MED27: variants seen among roughly 807,000 people sequenced by gnomAD.
MED27 encodes the protein mediator of RNA polymerase II transcription subunit 27.
Under a neutral mutation model 38.2 loss-of-function variants are expected in MED27, and 30 were observed. That is an observed-to-expected ratio of 0.79 (90% confidence interval 0.59 to 1.07). The LOEUF is 1.07. MED27 is among the 50% of genes least tolerant of loss of function. The probability of loss-of-function intolerance (pLI) is 0.00; values close to 1 mark genes in which losing one functional copy is unlikely to be tolerated. For missense variants in MED27, 289 were observed against 397.5 expected, an observed-to-expected ratio of 0.73 and a Z score of 2.32; for synonymous variants, 122 against 153.5, an observed-to-expected ratio of 0.79 and a Z score of 1.52.
At chr9:131,924,298 C>T (rs1479989970) in intron 4 of MED27, among the ~76,000 whole-genome samples, 1 of 152,042 alleles carries the variant, frequency 6.6e-6, no homozygotes, top group South Asian at 2.1e-4. Flanking sequence ...TACCTCAGTG[C>T]AATTTTAATT....
At chr9:131,950,507 T>C (rs1193629402) in intron 3 of MED27, among the ~76,000 whole-genome samples, 6 of 152,204 alleles carry the variant, frequency 3.9e-5, no homozygotes, top group South Asian at 2.1e-4. Flanking sequence ...TGTAGAACCA[T>C]TATTTCATTT....
intron 2 of MED27, among the ~76,000 whole-genome samples, chr9:132,031,117 T>A (rs966341183): frequency 6.6e-6 from 1 of 152,218 alleles, no homozygotes; most frequent in Admixed American, 6.5e-5. Context: ...ATAAAACAGA[T>A]GGACTGGTTA....
At chr9:131,876,835 A>G (rs1197170592) in intron 6 of MED27, among the ~76,000 whole-genome samples, 6 of 152,206 alleles carry the variant, frequency 3.9e-5, no homozygotes, top group Non-Finnish European at 5.9e-5. Flanking sequence ...TGCTACATGA[A>G]GCGGCCCATT....
At chr9:132,037,756 A>G (rs1268049052) in intron 2 of MED27, among the ~76,000 whole-genome samples, 1 of 152,206 alleles carries the variant, frequency 6.6e-6, no homozygotes, top group African/African-American at 2.4e-5. Context: ...GAAAGTGGGC[A>G]AAACAGTCAG....
intron 1 of MED27, among the ~76,000 whole-genome samples, chr9:132,078,718 A>G (rs1326799246): frequency 6.6e-6 from 1 of 152,216 alleles, no homozygotes. Context: ...AAGGATGACT[A>G]GCTCACCAAA....
At chr9:131,966,865 A>G (rs900277707) in intron 3 of MED27, among the ~76,000 whole-genome samples, 1 of 152,218 alleles carries the variant, frequency 6.6e-6, no homozygotes, top group African/African-American at 2.4e-5. Flanking sequence ...CTCAATGACT[A>G]AAAAAATGCA....
At chr9:132,005,394 G>C (rs982249824) in intron 3 of MED27, among the ~76,000 whole-genome samples, 1 of 152,194 alleles carries the variant, frequency 6.6e-6, no homozygotes, top group African/African-American at 2.4e-5. Context: ...GTTCCTGTGT[G>C]AGTCTGAGAG....
At chr9:131,942,335 G>T (rs185571163) in intron 3 of MED27, among the ~76,000 whole-genome samples, 1 of 152,312 alleles carries the variant, frequency 6.6e-6, no homozygotes, top group Admixed American at 6.5e-5. Flanking sequence ...TCTTGAAATG[G>T]TGAAGGCACA....
chr9:132,011,870 C>G (rs1395722140), intron 3 of MED27, among the ~76,000 whole-genome samples: 1 of 151,924 alleles, frequency 6.6e-6, no homozygotes, highest in Non-Finnish European at 1.5e-5. Context: ...TCTTAGGACA[C>G]AGTAACCACT....
At chr9:131,915,787 A>G (rs918950802) in intron 4 of MED27, among the ~76,000 whole-genome samples, 6 of 152,230 alleles carry the variant, frequency 3.9e-5, no homozygotes, top group Non-Finnish European at 7.3e-5. Context: ...GCTCCACTTT[A>G]CAGAGTAGCA....
chr9:131,949,068 C>T (rs1276928178), intron 3 of MED27, among the ~76,000 whole-genome samples: 1 of 152,196 alleles, frequency 6.6e-6, no homozygotes, highest in Non-Finnish European at 1.5e-5. Flanking sequence ...TGAACTAGAA[C>T]ACGTGACAAA....
At chr9:132,027,814 A>G (rs1832857064) in intron 2 of MED27, among the ~76,000 whole-genome samples, 1 of 152,232 alleles carries the variant, frequency 6.6e-6, no homozygotes, top group Non-Finnish European at 1.5e-5. Flanking sequence ...GAGCCATGCT[A>G]CTTTTCTATA....
chr9:131,926,954 C>G (rs1297370811), intron 4 of MED27, among the ~76,000 whole-genome samples: 1 of 152,116 alleles, frequency 6.6e-6, no homozygotes, highest in Non-Finnish European at 1.5e-5. Flanking sequence ...CCTAATAGAT[C>G]AGTCAAAAAT....
At chr9:131,888,880 T>C (rs1839183453) in intron 5 of MED27, among the ~76,000 whole-genome samples, 1 of 152,208 alleles carries the variant, frequency 6.6e-6, no homozygotes, top group South Asian at 2.1e-4. Flanking sequence ...TACAGGTCTA[T>C]TATTCTTCAA....
rs1337570479 is a variant in MED27, at chr9:131,900,918, AGAGAGG to A, written c.574-6932_574-6927del. 7.3e-5 allele frequency among the ~76,000 whole-genome samples: 11 copies of A among 150,254 alleles called. No homozygotes were observed. The East Asian group carries it at 2.0e-3, about 27-fold the overall frequency. The stretch of plus-strand genomic sequence containing the variant: ...TTTTCCAAGTACAGCAGAAAGAAAG[AGAGAGG>A]GAGAGGGAGAGAGAGGGAGGGAGAG... On this transcript the variant is annotated intron_variant, in intron 4 of 7. Coordinates refer to ENST00000292035, the MANE Select transcript of MED27 (RefSeq NM_004269.4).
Position 131,861,840 on chromosome 9 carries a change from G to A in MED27, c.802-1168C>T, listed in dbSNP as rs114179063. ...CAGGCTGGAGCGCAGTGGTGCAATC[G>A]ATCATAGCTCACTGTAACCTTGAAC... On this transcript the variant is annotated intron_variant, in intron 7 of 7. Coordinates refer to ENST00000292035, the MANE Select transcript of MED27 (RefSeq NM_004269.4). The surrounding 1 kb of genome is among the most constrained non-coding windows in gnomAD (Gnocchi z 4.4). 0.014 allele frequency among the ~76,000 whole-genome samples: 2,105 copies of A among 150,634 alleles called. 49 individuals carry two copies. The highest frequency in any genetic ancestry group is 0.049 in the African/African-American group (2,006 of 40,666).
chr9:132,071,728 C>T (rs981917478), intron 2 of MED27, among the ~76,000 whole-genome samples: 3 of 150,876 alleles, frequency 2.0e-5, no homozygotes, highest in Non-Finnish European at 3.0e-5. Context: ...CATATGCATA[C>T]GAGTAATGCA....
intron 3 of MED27, among the ~76,000 whole-genome samples, chr9:131,967,013 A>G (rs1831364717): frequency 6.6e-6 from 1 of 152,242 alleles, no homozygotes; most frequent in African/African-American, 2.4e-5. Flanking sequence ...GAACAATACT[A>G]TTTCACTCAC....
chr9:131,957,643 G>A (rs1415218109), intron 3 of MED27, among the ~76,000 whole-genome samples: 2 of 152,056 alleles, frequency 1.3e-5, no homozygotes, highest in Non-Finnish European at 1.5e-5. Flanking sequence ...ACACATTGTG[G>A]TATATCCATA....
Sources: allele counts gnomAD v4.1 joint callset (sites outside exome capture counted in the v4.1 genomes callset), GRCh38; gene constraint gnomAD v4.1.1; non-coding constraint Gnocchi (gnomAD v3.1); transcripts MANE v1.5; gene names NCBI Gene and HGNC (gene_info 2026-07-23, HGNC 2026-07-21).